CNOT8: variants seen among roughly 807,000 people sequenced by gnomAD.
CNOT8 encodes CCR4-NOT transcription complex subunit 8.
A neutral mutation model predicts 34.6 loss-of-function variants in CNOT8; 18 were observed. The ratio of observed to expected loss-of-function variants is 0.52; its 90% CI spans 0.36 to 0.77. CNOT8 has a LOEUF of 0.77. CNOT8 is among the 30% of genes least tolerant of loss of function. The pLI is 0.00. For synonymous variants in CNOT8, 101 were observed against 118.8 expected, an observed-to-expected ratio of 0.85 and a Z score of 0.98; for missense variants, 189 against 347.9, an observed-to-expected ratio of 0.54 and a Z score of 3.63.
intron 3 of CNOT8, among the ~76,000 whole-genome samples, chr5:154,868,100 A>T (rs1326030691): frequency 1.3e-5 from 2 of 149,862 alleles, no homozygotes; most frequent in Non-Finnish European, 1.5e-5. Context: ...CCATGCCTGG[A>T]TAATTTTTGT....
At chr5:154,859,060 G>A (rs1761077274) in intron 1 of CNOT8, 1 of 152,146 alleles carries the variant, frequency 6.6e-6, no homozygotes, top group South Asian at 2.1e-4. Flanking sequence ...TAGGAAAACC[G>A]AGGCACGAAA....
intron 2 of CNOT8, among the ~76,000 whole-genome samples, chr5:154,864,187 G>A (rs1318038361): frequency 2.0e-5 from 3 of 152,276 alleles, no homozygotes; most frequent in East Asian, 1.9e-4. Context: ...TTGGCCGGGC[G>A]CGGTGGCTCA....
intron 2 of CNOT8, 58 bp from the exon 3 acceptor site, chr5:154,865,134 C>A: frequency 7.7e-7 from 1 of 1,295,498 alleles, no homozygotes; most frequent in Non-Finnish European, 1.0e-6. Context: ...TATGAATTAC[C>A]AATTCAGCAT....
At chr5:154,861,988 A>C (rs1253434273) in intron 1 of CNOT8, among the ~76,000 whole-genome samples, 1 of 152,212 alleles carries the variant, frequency 6.6e-6, no homozygotes, top group Non-Finnish European at 1.5e-5. Context: ...GTGAGCCACC[A>C]TGCCCGGCTT....
intron 3 of CNOT8, 90 bp from the exon 4 acceptor site, chr5:154,870,571 T>TGTA: frequency 1.0e-6 from 1 of 961,134 alleles, no homozygotes; most frequent in South Asian, 1.7e-5. Flanking sequence ...CAAAAATACT[T>TGTA]GTACTATAAT....
intron 6 of CNOT8, 143 bp from the exon 7 acceptor site, chr5:154,875,147 C>T: frequency 2.4e-6 from 2 of 836,658 alleles, no homozygotes; most frequent in South Asian, 1.7e-5. Context: ...GACCTCCTGA[C>T]CCCAAGTGAT....
At chr5:154,859,631 G>C (rs1297782627) in intron 1 of CNOT8, 1 of 152,202 alleles carries the variant, frequency 6.6e-6, no homozygotes, top group African/African-American at 2.4e-5. Flanking sequence ...GATGTTTATT[G>C]TTTCCTTGTA....
rs754572203 is a variant in CNOT8 at position 154,863,374 on chromosome 5, C to G, written c.96C>G (p.Leu32=). 1 of 1,612,516 alleles carries G rather than the reference C, an allele frequency of 6.2e-7. No individual in the cohort carries two copies. The highest frequency in any genetic ancestry group is 8.5e-7 in the Non-Finnish European group (1 of 1,178,550). The change falls in exon 2 of 7, where the codon CTC becomes CTG. Residue 32 remains leucine (L), a synonymous_variant. Transcript: ENST00000285896. ...EEMRKIREIV[L]SYSYIAMDTE... The stretch of plus-strand genomic sequence containing the variant: ...TGAGGAAGATCCGAGAAATCGTGCT[C>G]AGTTACAGTTATATTGCCATGGTAA...
intron 3 of CNOT8, 49 bp from the exon 4 acceptor site, chr5:154,870,612 C>T: frequency 6.7e-7 from 1 of 1,496,078 alleles, no homozygotes; most frequent in Non-Finnish European, 9.2e-7. Context: ...GTGGCCACTA[C>T]TTCTGTTTCA....
At chr5:154,875,014 G>A (rs1762817151) in intron 6 of CNOT8, among the ~76,000 whole-genome samples, 1 of 147,966 alleles carries the variant, frequency 6.8e-6, no homozygotes. Flanking sequence ...CCTCCTGGGC[G>A]CAAGTGATTC....
At chr5:154,859,695 G>A (rs1761137506) in intron 1 of CNOT8, 1 of 152,226 alleles carries the variant, frequency 6.6e-6, no homozygotes, top group South Asian at 2.1e-4. Context: ...CCCGAGCAAG[G>A]CCTTGATTGC....
chr5:154,875,491 C>G lies in CNOT8; in HGVS notation c.*52C>G. ...TGATCCCAGAGTGGTGCTTACTGTG[C>G]TGACTGTGTACTTATCTTCCCCAAG... On this transcript the variant is annotated 3_prime_UTR_variant, in exon 7 of 7. Transcript: ENST00000285896. 1 of 1,595,028 alleles carries G rather than the reference C, an allele frequency of 6.3e-7. No homozygotes were observed. The highest frequency in any genetic ancestry group is 8.5e-7 in the Non-Finnish European group (1 of 1,170,556).
chr5:154,870,608 AC>A, intron 3 of CNOT8, 52 bp from the exon 4 acceptor site: 1 of 1,445,470 alleles, frequency 6.9e-7, no homozygotes, highest in East Asian at 2.3e-5. Flanking sequence ...TAGTGTGGCC[AC>A]TACTTCTGTT....
chr5:154,869,626 GTTTT>G (rs34726467), intron 3 of CNOT8, among the ~76,000 whole-genome samples: 2 of 124,354 alleles, frequency 1.6e-5, no homozygotes, highest in African/African-American at 3.1e-5. Context: ...GTTTTTTTGT[GTTTT>G]TTTTTTTTTT....
chr5:154,871,599 G>C, intron 4 of CNOT8, 131 bp from the exon 5 acceptor site: 1 of 493,838 alleles, frequency 2.0e-6, no homozygotes, highest in Non-Finnish European at 3.7e-6. Context: ...ATTATAGTAC[G>C]ATAAACTACT....
intron 1 of CNOT8, among the ~76,000 whole-genome samples, chr5:154,861,748 G>T (rs1432656133): frequency 1.3e-5 from 2 of 152,218 alleles, no homozygotes; most frequent in South Asian, 4.1e-4. Context: ...GCCCAGGCTG[G>T]AGTGCGGTGG....
chr5:154,862,837 A>G (rs1761478652), intron 1 of CNOT8, among the ~76,000 whole-genome samples: 1 of 152,162 alleles, frequency 6.6e-6, no homozygotes, highest in South Asian at 2.1e-4. Context: ...GACTGTTTCC[A>G]TGATTTGGTC....
At chr5:154,868,499 C>T (rs896667941) in intron 3 of CNOT8, among the ~76,000 whole-genome samples, 10 of 152,004 alleles carry the variant, frequency 6.6e-5, no homozygotes, top group African/African-American at 2.2e-4. Context: ...TCCTGACCCT[C>T]GTGATCCACC....
At chr5:154,868,286 T>G (rs1420214703) in intron 3 of CNOT8, among the ~76,000 whole-genome samples, 6 of 122,320 alleles carry the variant, frequency 4.9e-5, no homozygotes, top group African/African-American at 9.2e-5. Context: ...TTTTTTTTTT[T>G]GAGGTAATGT....
Sources: allele counts gnomAD v4.1 joint callset (sites outside exome capture counted in the v4.1 genomes callset), GRCh38; gene constraint gnomAD v4.1.1; transcripts MANE v1.5; gene names NCBI Gene and HGNC (gene_info 2026-07-23, HGNC 2026-07-21).